ANO3: variants seen among roughly 807,000 people sequenced by gnomAD.
ANO3 encodes the protein anoctamin-3.
In ANO3, 99 loss-of-function variants were observed where a neutral mutation model predicts 144.8. The observed-to-expected ratio is 0.68, with a 90% CI of 0.58 to 0.81. The LOEUF (loss-of-function observed/expected upper bound fraction) is 0.81. Among genes scored for constraint, ANO3 ranks in the 30% least tolerant of loss-of-function variants. The pLI is 0.00. For missense variants in ANO3, 905 were observed against 1,202.2 expected (o/e 0.75, Z 3.66); for synonymous variants, 414 against 392.6 (o/e 1.05, Z -0.64).
At chr11:26,309,299 C>A (rs1306876749), upstream of ANO3, among the ~76,000 whole-genome samples, 7 of 152,092 alleles carry the variant, frequency 4.6e-5, no homozygotes, top group Admixed American at 2.0e-4. Context: ...AAAGGTACAG[C>A]CTCCGAGTTT....
chr11:26,559,875 C>CA, intron 14 of ANO3, 96 bp downstream of exon 14: 5 of 786,924 alleles, frequency 6.4e-6, no homozygotes, highest in African/African-American at 1.8e-5. Context: ...CACACACACA[C>CA]CATGAATCAA....
At chr11:26,423,531 A>T (rs1228025273) in intron 1 of ANO3, among the ~76,000 whole-genome samples, 1 of 151,758 alleles carries the variant, frequency 6.6e-6, no homozygotes. Flanking sequence ...ATTTACACCA[A>T]ATTTCATTAT....
intron 1 of ANO3, among the ~76,000 whole-genome samples, chr11:26,274,923 G>C (rs985405231): frequency 1.3e-5 from 2 of 151,906 alleles, no homozygotes; most frequent in African/African-American, 4.8e-5. Flanking sequence ...TAGGGGAAGA[G>C]AAGAAGGAAA....
At chr11:26,310,343 T>A (rs1464766170) in intron 1 of ANO3, among the ~76,000 whole-genome samples, 1 of 152,178 alleles carries the variant, frequency 6.6e-6, no homozygotes, top group Non-Finnish European at 1.5e-5. Flanking sequence ...ATTGGTTAAC[T>A]GAGTTAATCA....
intron 8 of ANO3, among the ~76,000 whole-genome samples, chr11:26,533,921 T>C (rs1303053337): frequency 6.6e-6 from 1 of 152,214 alleles, no homozygotes; most frequent in Non-Finnish European, 1.5e-5. Flanking sequence ...ATTCCCAGCA[T>C]ACTATAAAGT....
chr11:26,289,766 T>C lies in ANO3; in HGVS notation c.155-19879T>C, dbSNP rs142277203. On this transcript the variant is annotated intron_variant, in intron 1 of 27. Transcript: ENST00000672621. ...TATATATTCTATATGTGTATATATA[T>C]GTATACATATGTATAATGCCAGTAT... Among the ~76,000 whole-genome samples the C allele has an allele frequency of 2.4e-3, 334 of 136,974 alleles. 5 individuals carry two copies. Among genetic ancestry groups the C allele is most frequent in the East Asian group, 0.015 (58 of 3,998 alleles). The allele number at this position is 136,974 out of a possible 152,430, so 89.9% of individuals were successfully genotyped here.
chr11:26,290,076 C>T (rs902912984), intron 1 of ANO3, among the ~76,000 whole-genome samples: 22 of 151,974 alleles, frequency 1.4e-4, no homozygotes, highest in Non-Finnish European at 2.2e-4. Flanking sequence ...TAATTATTGC[C>T]CCAATTTCAG....
At chr11:26,530,491 ATCTATCTATCATCTATCTATCT>A (rs1849338596) in intron 7 of ANO3, among the ~76,000 whole-genome samples, 1 of 18,750 alleles carries the variant, frequency 5.3e-5, no homozygotes, top group African/African-American at 9.1e-5. Context: ...CTATCTATCT[ATCTATCTATCATCTATCTATCT>A]ACATGTATAC....
intron 6 of ANO3, among the ~76,000 whole-genome samples, chr11:26,519,634 C>G (rs1861990502): frequency 6.6e-6 from 1 of 152,106 alleles, no homozygotes; most frequent in African/African-American, 2.4e-5. Flanking sequence ...AGAAGGAGGG[C>G]TAGCTAGCTC....
intron 7 of ANO3, among the ~76,000 whole-genome samples, chr11:26,526,125 T>C (rs927331135): frequency 5.3e-5 from 8 of 152,122 alleles, no homozygotes; most frequent in Admixed American, 2.0e-4. Flanking sequence ...CAAGGCCATG[T>C]ACCGTCTTTT....
At chr11:26,277,980 G>T (rs948443160) in intron 1 of ANO3, among the ~76,000 whole-genome samples, 2 of 152,010 alleles carry the variant, frequency 1.3e-5, no homozygotes, top group Non-Finnish European at 2.9e-5. Context: ...TTCAATATAT[G>T]GTTTTCCTTG....
At chr11:26,450,640 G>C (rs1858896357) in intron 3 of ANO3, among the ~76,000 whole-genome samples, 1 of 152,118 alleles carries the variant, frequency 6.6e-6, no homozygotes, top group African/African-American at 2.4e-5. Flanking sequence ...CACCATCTTT[G>C]CCTGAGTTTT....
chr11:26,205,719 G>A (rs12289787), intron 1 of ANO3, among the ~76,000 whole-genome samples: 52,892 of 151,916 alleles, frequency 0.35, 9,542 homozygotes, highest in Non-Finnish European at 0.38. Context: ...CTCATAAACG[G>A]TATACTGTAT....
chr11:26,409,114 ACTTT>A (rs1185392745), intron 1 of ANO3, among the ~76,000 whole-genome samples: 1 of 105,134 alleles, frequency 9.5e-6, no homozygotes, highest in Admixed American at 1.3e-4. Flanking sequence ...GTACCCTAAA[ACTTT>A]AAGTACAATA....
intron 1 of ANO3, among the ~76,000 whole-genome samples, chr11:26,354,800 A>G (rs972570692): frequency 3.3e-5 from 5 of 152,116 alleles, no homozygotes; most frequent in African/African-American, 1.2e-4. Flanking sequence ...TATTATTTTC[A>G]TATTAAAATT....
chr11:26,511,099 G>GGAGTATGAAAT (rs1325289264), intron 5 of ANO3, among the ~76,000 whole-genome samples: 1 of 152,172 alleles, frequency 6.6e-6, no homozygotes, highest in African/African-American at 2.4e-5. Flanking sequence ...AGCATGATCA[G>GGAGTATGAAAT]GAGGTGTATT....
At chr11:26,445,607 A>G (rs147831950) in intron 3 of ANO3, among the ~76,000 whole-genome samples, 128 of 152,054 alleles carry the variant, frequency 8.4e-4, no homozygotes, top group Non-Finnish European at 1.4e-3. Context: ...CCCAGCATCA[A>G]TCTGTCATTT....
chr11:26,483,214 C>T (rs1476447462), intron 4 of ANO3, among the ~76,000 whole-genome samples: 1 of 151,986 alleles, frequency 6.6e-6, no homozygotes, highest in Non-Finnish European at 1.5e-5. Context: ...CTTTTCTCTG[C>T]ATTCTCACCA....
Position 26,660,350 on chromosome 11 carries a change from A to T in ANO3, c.2852A>T (p.Tyr951Phe). 6.2e-7 allele frequency: 1 copy of T among 1,613,534 alleles called. No individual in the cohort carries two copies. Among genetic ancestry groups the T allele is most frequent in the Non-Finnish European group, 8.5e-7 (1 of 1,179,678 alleles). The change falls in exon 27 of 27, where the codon TAC becomes TTC. Residue 951 changes from tyrosine (Y) to phenylalanine (F), a missense_variant. By Grantham distance (22) the Tyr-to-Phe change is conservative. This residue lies in a region of ANO3 where 597 missense variants were observed against 865.1 expected (regional missense o/e 0.69). Transcript: ENST00000256737. ...CATGACCGAATACGACGAGAGAAGTACTTAGTTCAAGAAATGATGTATGAG... is the reference window on the plus strand; with the variant it reads ...CATGACCGAATACGACGAGAGAAGTTCTTAGTTCAAGAAATGATGTATGAG... ...GLHDRIRREK[Y>F]LVQEMMYEAE...
Sources: gnomAD v4.1 joint callset for allele counts (sites outside exome capture counted in the v4.1 genomes callset) on GRCh38, gnomAD v4.1.1 for gene constraint, gnomAD v4.1.1 regional missense constraint, MANE v1.5 for transcripts, NCBI Gene and HGNC (gene_info 2026-07-23, HGNC 2026-07-21) for gene names.